DLGAP2: variants seen among roughly 807,000 people sequenced by gnomAD.
DLGAP2 encodes disks large-associated protein 2.
In DLGAP2, 26 loss-of-function variants were observed where a neutral mutation model predicts 100.3. That is an observed-to-expected ratio of 0.26 (90% CI 0.19 to 0.36). The LOEUF (loss-of-function observed/expected upper bound fraction) is 0.36, where lower values mean the gene tolerates loss of function less well. DLGAP2 is among the 10% of genes least tolerant of loss of function. The pLI is 1.00. For missense variants in DLGAP2, 1,858 were observed against 1,453.2 expected, an observed-to-expected ratio of 1.28 and a Z score of -4.53; for synonymous variants, 886 against 630.1, an observed-to-expected ratio of 1.41 and a Z score of -6.08.
chr8:878,267 T>C (rs1797721735), intron 1 of DLGAP2, among the ~76,000 whole-genome samples: 1 of 152,098 alleles, frequency 6.6e-6, no homozygotes, highest in Admixed American at 6.5e-5. Context: ...TTTAGGAGAA[T>C]ACGGGATATA....
intron 3 of DLGAP2, among the ~76,000 whole-genome samples, chr8:1,355,791 C>A (rs1407981505): frequency 6.6e-6 from 1 of 152,158 alleles, no homozygotes; most frequent in East Asian, 1.9e-4. Context: ...CCTGTCTCCT[C>A]CCACAACCCC....
chr8:1,617,982 C>T (rs989744951), intron 6 of DLGAP2, among the ~76,000 whole-genome samples: 5 of 152,126 alleles, frequency 3.3e-5, no homozygotes, highest in Admixed American at 1.3e-4. Context: ...CAGTTCTAAC[C>T]CTGGGGAAAA....
intron 2 of DLGAP2, among the ~76,000 whole-genome samples, chr8:935,276 G>A (rs1337801266): frequency 6.6e-6 from 1 of 152,208 alleles, no homozygotes; most frequent in Non-Finnish European, 1.5e-5. Flanking sequence ...CTGTGTGTGG[G>A]AGTCCTCGCT....
chr8:946,483 T>C (rs554019296), intron 2 of DLGAP2, among the ~76,000 whole-genome samples: 3 of 152,018 alleles, frequency 2.0e-5, no homozygotes, highest in Admixed American at 1.3e-4. Context: ...CAGGATGGTC[T>C]CGATCTCCTG....
At chr8:952,882 C>A (rs1270515708) in intron 2 of DLGAP2, among the ~76,000 whole-genome samples, 1 of 152,196 alleles carries the variant, frequency 6.6e-6, no homozygotes, top group Admixed American at 6.5e-5. Context: ...TGCATTCTCA[C>A]ACAAATATGG....
chr8:973,761 T>A (rs945668993), intron 2 of DLGAP2, among the ~76,000 whole-genome samples: 6 of 152,128 alleles, frequency 3.9e-5, no homozygotes, highest in African/African-American at 1.4e-4. Context: ...AAGGCAAATA[T>A]ACGCGCGGCT....
At chr8:1,580,895 C>T (rs113180574) in intron 6 of DLGAP2, among the ~76,000 whole-genome samples, 3 of 151,750 alleles carry the variant, frequency 2.0e-5, no homozygotes, top group Non-Finnish European at 4.4e-5. Flanking sequence ...AGACAAAACC[C>T]CACACATCTA....
At chr8:1,073,944 G>A (rs1803512171) in intron 2 of DLGAP2, among the ~76,000 whole-genome samples, 1 of 152,176 alleles carries the variant, frequency 6.6e-6, no homozygotes, top group African/African-American at 2.4e-5. Context: ...AGGGTTTGCA[G>A]CAGAGTGAGG....
chr8:1,625,075 T>C (rs1421502171), intron 6 of DLGAP2, among the ~76,000 whole-genome samples: 16 of 152,184 alleles, frequency 1.1e-4, no homozygotes, highest in Admixed American at 1.0e-3. Flanking sequence ...AAGACTGAAG[T>C]AAATCAGAGA....
chr8:1,100,235 G>C (rs185545107), intron 2 of DLGAP2, among the ~76,000 whole-genome samples: 2 of 150,044 alleles, frequency 1.3e-5, no homozygotes, highest in Admixed American at 1.3e-4. Context: ...CCTTTGTCCA[G>C]CATGTCCACA....
In DLGAP2 at chr8:1,548,533, T is replaced by TAATG. The variant is rs1390012734; in HGVS notation, c.173-90_173-87dup. 15 of 1,132,058 alleles carry TAATG rather than the reference T, an allele frequency of 1.3e-5. No individual in the cohort carries two copies. In the Admixed American group the frequency reaches 3.5e-4, roughly 27 times the overall value. The allele number at this position is 1,132,058 out of a possible 1,614,324, so 70.1% of individuals were successfully genotyped here. On this transcript the variant is annotated intron_variant, in intron 4 of 14. Coordinates refer to ENST00000637795, the MANE Select transcript of DLGAP2 (RefSeq NM_001346810.2). ...GCCCAGGCCAGACATGGACACTGAT[T>TAATG]AATGAAGTCCACGGTGGGGGTCACA...
chr8:1,613,738 A>G (rs139548481), intron 6 of DLGAP2, among the ~76,000 whole-genome samples: 1 of 152,118 alleles, frequency 6.6e-6, no homozygotes, highest in African/African-American at 2.4e-5. Context: ...TTTTTCGAGA[A>G]CCTGTTCTGT....
intron 3 of DLGAP2, among the ~76,000 whole-genome samples, chr8:1,298,436 G>T (rs895213899): frequency 6.6e-6 from 1 of 152,142 alleles, no homozygotes; most frequent in East Asian, 1.9e-4. Context: ...AGTGTGACAC[G>T]TTCTGTACTG....
At chr8:1,117,898 A>G (rs991658699) in intron 2 of DLGAP2, among the ~76,000 whole-genome samples, 1 of 152,148 alleles carries the variant, frequency 6.6e-6, no homozygotes, top group South Asian at 2.1e-4. Flanking sequence ...AGAAAATCAG[A>G]CAAAAGTATC....
intron 3 of DLGAP2, among the ~76,000 whole-genome samples, chr8:1,275,439 C>A (rs1799663069): frequency 1.3e-5 from 2 of 151,448 alleles, no homozygotes. Context: ...CCATTAAGGC[C>A]TTGGACACTG....
chr8:1,198,575 G>A (rs1326722229), intron 2 of DLGAP2, among the ~76,000 whole-genome samples: 1 of 152,160 alleles, frequency 6.6e-6, no homozygotes, highest in Non-Finnish European at 1.5e-5. Context: ...GGTCCCAGGT[G>A]GCAGGTATGG....
chr8:1,195,489 G>A (rs1258612808), intron 2 of DLGAP2, among the ~76,000 whole-genome samples: 1 of 152,224 alleles, frequency 6.6e-6, no homozygotes, highest in Non-Finnish European at 1.5e-5. Context: ...AAGCACTACT[G>A]AGAAAACAAT....
At chr8:1,204,830 A>C (rs1585150323) in intron 2 of DLGAP2, among the ~76,000 whole-genome samples, 1 of 152,212 alleles carries the variant, frequency 6.6e-6, no homozygotes, top group East Asian at 1.9e-4. Context: ...GCTTAGATTT[A>C]TGAGGCTGAA....
chr8:1,227,071 C>T (rs1201203682), intron 2 of DLGAP2, among the ~76,000 whole-genome samples: 1 of 144,392 alleles, frequency 6.9e-6, no homozygotes, highest in African/African-American at 2.8e-5. Flanking sequence ...TTCACCTGTT[C>T]ATTGCAGCGT....
Sources: allele counts gnomAD v4.1 joint callset (sites outside exome capture counted in the v4.1 genomes callset), GRCh38; gene constraint gnomAD v4.1.1; transcripts MANE v1.5; gene names NCBI Gene and HGNC (gene_info 2026-07-23, HGNC 2026-07-21).